MATR3: variants seen among roughly 807,000 people sequenced by gnomAD.
MATR3 encodes matrin-3.
Under a neutral mutation model 85.5 loss-of-function variants are expected in MATR3, and 4 were observed. That is an observed-to-expected ratio of 0.05 (90% CI 0.02 to 0.11). The LOEUF is 0.11. MATR3 is among the 10% of genes least tolerant of loss of function. The probability of loss-of-function intolerance (pLI) is 1.00; values close to 1 mark genes in which losing one functional copy is unlikely to be tolerated. For synonymous variants in MATR3, 336 were observed against 343.1 expected, an observed-to-expected ratio of 0.98 and a Z score of 0.23; for missense variants, 685 against 1,016.1, an observed-to-expected ratio of 0.67 and a Z score of 4.43.
At chr5:139,297,112 A>G (rs769940133) in intron 1 of MATR3, among the ~76,000 whole-genome samples, 22 of 152,186 alleles carry the variant, frequency 1.4e-4, no homozygotes, top group Non-Finnish European at 2.8e-4. Context: ...CAGGAGGCGG[A>G]GGTAGCAGTT....
chr5:139,324,610 A>G (rs1755750743), intron 12 of MATR3, among the ~76,000 whole-genome samples: 1 of 151,994 alleles, frequency 6.6e-6, no homozygotes, highest in Non-Finnish European at 1.5e-5. Flanking sequence ...TTGGTTTTTT[A>G]GCCATTACAC....
At position 139,329,990 on chromosome 5, in the gene MATR3, A is replaced by AT. The variant is rs1289028566; in HGVS notation, c.*602dup. On this transcript the variant is annotated 3_prime_UTR_variant, in exon 15 of 15. Transcript: ENST00000394805. ...TAAGTAATTGGCTTTAGATTTTGTA[A>AT]TTTTTTTCCCTGAGTTCCTGCTAGA... 7 of 452,740 alleles carry AT rather than the reference A, an allele frequency of 1.5e-5. No homozygotes were observed. In the East Asian group the frequency reaches 2.8e-4, roughly 18 times the overall value. The allele number at this position is 452,740 out of a possible 1,614,324, so 28.0% of individuals were successfully genotyped here.
chr5:139,307,190 G>A lies in MATR3; in HGVS notation c.-177-49G>A, dbSNP rs887581172. 1.3e-5 allele frequency: 15 copies of A among 1,178,490 alleles called. No homozygotes were observed. The African/African-American group carries it at 1.8e-4, about 14-fold the overall frequency. The allele number at this position is 1,178,490 out of a possible 1,614,324, so 73.0% of individuals were successfully genotyped here. A position where few individuals can be genotyped will look rare whatever the true frequency, so the allele number is the denominator to read the frequency against. On this transcript the variant is annotated intron_variant, in intron 1 of 14. Transcript: ENST00000394805. This position sits in a 1 kb window ranked among gnomAD's most constrained non-coding sequence, Gnocchi z 4.4. ...ATAAGTTTTTTTTTCTTAAAAAAAC[G>A]GCATCTGCTTAAAGGGATTTATGAC...
chr5:139,324,134 A>G (rs936388097), intron 12 of MATR3, among the ~76,000 whole-genome samples: 1 of 152,214 alleles, frequency 6.6e-6, no homozygotes, highest in South Asian at 2.1e-4. Flanking sequence ...TAAATTTATT[A>G]ATTTAATCCT....
intron 14 of MATR3, among the ~76,000 whole-genome samples, chr5:139,328,533 T>A (rs1247279673): frequency 6.6e-6 from 1 of 152,188 alleles, no homozygotes; most frequent in Non-Finnish European, 1.5e-5. Context: ...GTCATCTGTT[T>A]TTGTAAGGTT....
chr5:139,317,864 C>A, intron 7 of MATR3, 143 bp downstream of exon 7: 2 of 742,548 alleles, frequency 2.7e-6, no homozygotes, highest in Non-Finnish European at 4.3e-6. Context: ...AGGAAAAGGC[C>A]AGTAGTTGAT....
In MATR3 at chr5:139,322,484, T is replaced by C; in HGVS notation, c.1756T>C (p.Leu586=). ...VLRIPNRGID[L]LKKDKSRKRS... ...TTAGATTCCAAACAGAGGCATTGAT[T>C]TACTGAAAAAAGATAAATCCCGGTA... The change falls in exon 11 of 15, where the codon TTA becomes CTA. Residue 586 remains leucine (L), a synonymous_variant. Transcript: ENST00000394805. 3 of 1,614,068 alleles carry C rather than the reference T, an allele frequency of 1.9e-6. No individual in the cohort carries two copies. Among genetic ancestry groups the C allele is most frequent in the Non-Finnish European group, 2.5e-6 (3 of 1,179,962 alleles).
At chr5:139,325,194 A>G (rs1236814393) in intron 12 of MATR3, 7 of 1,396,686 alleles carry the variant, frequency 5.0e-6, no homozygotes, top group Non-Finnish European at 6.7e-6. Flanking sequence ...CTCCGTCTCA[A>G]AAAAAAAAAG....
chr5:139,306,551 T>A (rs1754715936), intron 1 of MATR3, among the ~76,000 whole-genome samples: 1 of 152,214 alleles, frequency 6.6e-6, no homozygotes, highest in Non-Finnish European at 1.5e-5. Context: ...AGACTAGATA[T>A]GAAGTAAACA....
chr5:139,301,508 A>T (rs1010838021), intron 1 of MATR3, among the ~76,000 whole-genome samples: 7 of 152,050 alleles, frequency 4.6e-5, no homozygotes, highest in African/African-American at 1.7e-4. Flanking sequence ...TTTAGTAGAG[A>T]TGGGGTTTCA....
At chr5:139,325,282 GTCTT>G (rs1391558777) in intron 12 of MATR3, 154 bp from the exon 13 acceptor site, 4 of 1,551,620 alleles carry the variant, frequency 2.6e-6, no homozygotes, top group Admixed American at 2.0e-5. Context: ...GAGTAAATTT[GTCTT>G]TCTTAACAGC....
chr5:139,314,581 A>G (rs1755152034), intron 2 of MATR3, 94 bp from the exon 3 acceptor site: 2 of 949,222 alleles, frequency 2.1e-6, no homozygotes, highest in Admixed American at 3.7e-5. Flanking sequence ...AGCCTATGAT[A>G]CTGCATAGAC....
At chr5:139,328,022 T>G (rs1374031708) in intron 14 of MATR3, among the ~76,000 whole-genome samples, 1 of 151,922 alleles carries the variant, frequency 6.6e-6, no homozygotes, top group African/African-American at 2.4e-5. Context: ...CCACTTCGCC[T>G]GGCTAATTTT....
In MATR3 at chr5:139,330,561, T is replaced by C. The variant is rs1240304318; in HGVS notation, c.*1166T>C. 1.1e-5 allele frequency: 5 copies of C among 453,404 alleles called. No homozygotes were observed. Among genetic ancestry groups the C allele is most frequent in the East Asian group, 7.0e-5 (1 of 14,366 alleles). 28.1% of individuals were successfully genotyped at this position (453,404 alleles called of 1,614,324 possible). A position where few individuals can be genotyped will look rare whatever the true frequency, so the allele number is the denominator to read the frequency against. On this transcript the variant is annotated 3_prime_UTR_variant, in exon 15 of 15. Coordinates refer to ENST00000394805, the MANE Select transcript of MATR3 (RefSeq NM_018834.6). The stretch of plus-strand genomic sequence containing the variant: ...CCGCTAAAGATCTGAGTTTTAAAAA[T>C]GTTGTTGCTGGTGGATTTCTTGTTC...
At chr5:139,285,673 CAAA>C (rs937193075) in intron 3 of MATR3, among the ~76,000 whole-genome samples, 1 of 150,758 alleles carries the variant, frequency 6.6e-6, no homozygotes, top group Admixed American at 6.6e-5. Context: ...AACTCCGTCT[CAAA>C]AAAAAGAATT....
intron 1 of MATR3, among the ~76,000 whole-genome samples, chr5:139,275,195 C>T (rs917019132): frequency 2.9e-5 from 3 of 102,310 alleles, no homozygotes; most frequent in Admixed American, 1.5e-4. Context: ...GACGGGGTTT[C>T]ACCGTGTTAG....
rs1755816787 is a variant in MATR3, at chr5:139,325,612, C to T, written c.2321C>T (p.Thr774Ile). 6.2e-7 allele frequency: 1 copy of T among 1,614,070 alleles called. No homozygotes were observed. The highest frequency in any genetic ancestry group is 1.3e-5 in the African/African-American group (1 of 74,934). ...GQSDENKDDYTIPDEYRIGPY... is the reference protein window; with the variant it reads ...GQSDENKDDYIIPDEYRIGPY... ...AGTGATGAGAACAAGGACGACTATACAATCCCAGATGAGTATAGAATTGGA... is the reference window on the plus strand; with the variant it reads ...AGTGATGAGAACAAGGACGACTATATAATCCCAGATGAGTATAGAATTGGA... Residue 774 changes from threonine (T) to isoleucine (I), a missense_variant, in exon 13 of 15, where the codon ACA (threonine) becomes ATA (isoleucine). Transcript: ENST00000394805.
rs1228461208 is a variant in MATR3 at position 139,319,430 on chromosome 5, A to T, written c.1531A>T (p.Ser511Cys). The T allele has an allele frequency of 6.2e-7, 1 of 1,614,038 alleles. No homozygotes were observed. The highest frequency in any genetic ancestry group is 1.7e-5 in the Admixed American group (1 of 60,030). The change falls in exon 9 of 15, where the codon AGT becomes TGT. Residue 511 changes from serine (S) to cysteine (C), a missense_variant. Transcript: ENST00000394805. ...SNLPHSGYSD[S>C]AVLKLAEPYG... is the part of the protein sequence containing the mutation. Reference sequence around the variant, plus strand: ...TTTGCCGCATTCTGGCTATTCTGATAGTGCTGTTCTCAAGCTTGCTGAGCC... The same window carrying T: ...TTTGCCGCATTCTGGCTATTCTGATTGTGCTGTTCTCAAGCTTGCTGAGCC...
chr5:139,327,717 G>C (rs968304343), intron 14 of MATR3, among the ~76,000 whole-genome samples: 1 of 152,086 alleles, frequency 6.6e-6, no homozygotes. Context: ...CATAGTGCCC[G>C]CCCTGGTACA....
Sources: gnomAD v4.1 joint callset for allele counts (sites outside exome capture counted in the v4.1 genomes callset) on GRCh38, gnomAD v4.1.1 for gene constraint, Gnocchi (gnomAD v3.1) non-coding constraint, MANE v1.5 for transcripts, NCBI Gene and HGNC (gene_info 2026-07-23, HGNC 2026-07-21) for gene names.